SLC12A7: variants seen among roughly 807,000 people sequenced by gnomAD.
SLC12A7 encodes K-Cl cotransporter 4.
In SLC12A7, 100 loss-of-function variants were observed where a neutral mutation model predicts 120.6. The observed-to-expected ratio is 0.83, with a 90% CI of 0.71 to 0.98. SLC12A7 has a LOEUF of 0.98. SLC12A7 is among the 50% of genes least tolerant of loss of function. The probability of loss-of-function intolerance (pLI) is 0.00; values close to 1 mark genes in which losing one functional copy is unlikely to be tolerated. For missense variants in SLC12A7, 1,373 were observed against 1,548.1 expected, an observed-to-expected ratio of 0.89 and a Z score of 1.90; for synonymous variants, 760 against 678.0, an observed-to-expected ratio of 1.12 and a Z score of -1.88.
At chr5:1,089,376 C>T (rs1050158657) in intron 3 of SLC12A7, among the ~76,000 whole-genome samples, 1 of 152,086 alleles carries the variant, frequency 6.6e-6, no homozygotes, top group African/African-American at 2.4e-5. Flanking sequence ...GCAGCTGCTC[C>T]GCTGTGCCTC....
intron 1 of SLC12A7, among the ~76,000 whole-genome samples, chr5:1,094,532 G>A (rs1740888690): frequency 6.6e-6 from 1 of 152,144 alleles, no homozygotes; most frequent in Non-Finnish European, 1.5e-5. Flanking sequence ...GCTATCCCCA[G>A]AACACACGCT....
chr5:1,063,245 C>T (rs1360090730), intron 20 of SLC12A7, among the ~76,000 whole-genome samples: 2 of 152,248 alleles, frequency 1.3e-5, no homozygotes, highest in Admixed American at 1.3e-4. Flanking sequence ...GCAGCCTGGC[C>T]TCACTGACCA....
At chr5:1,127,940 C>G in the SLC12A7 span, among the ~76,000 whole-genome samples, 5 of 152,180 alleles carry the variant, frequency 3.3e-5, no homozygotes, top group Non-Finnish European at 7.3e-5. Context: ...ATGCCCACAC[C>G]CCAGGAAAGT....
At chr5:1,105,220 C>T (rs1165400901) in intron 1 of SLC12A7, among the ~76,000 whole-genome samples, 72 of 144,700 alleles carry the variant, frequency 5.0e-4, no homozygotes, top group South Asian at 2.8e-3. Context: ...GGACCCTCCC[C>T]GCAGGGATGA....
intron 6 of SLC12A7, 130 bp downstream of exon 6, chr5:1,086,772 CA>C (rs1389119964): frequency 2.3e-6 from 3 of 1,279,744 alleles, no homozygotes; most frequent in Non-Finnish European, 3.3e-6. Flanking sequence ...CAGGAGAGCC[CA>C]GGGGCAGCCA....
chr5:1,097,409 C>A (rs987540538), intron 1 of SLC12A7, among the ~76,000 whole-genome samples: 6 of 152,188 alleles, frequency 3.9e-5, no homozygotes, highest in Non-Finnish European at 8.8e-5. Flanking sequence ...AAAACACACA[C>A]ACAAGCTCCC....
At chr5:1,074,196 CCCGAGGCCCCCG>C (rs1738058073) in intron 16 of SLC12A7, among the ~76,000 whole-genome samples, 2 of 151,540 alleles carry the variant, frequency 1.3e-5, no homozygotes, top group South Asian at 2.1e-4. Context: ...CCGGGGCACA[CCCGAGGCCCCCG>C]CCGAGGCCCC....
intron 15 of SLC12A7, 136 bp from the exon 16 acceptor site, chr5:1,074,807 G>A (rs1203063542): frequency 1.5e-5 from 11 of 739,764 alleles, no homozygotes; most frequent in Non-Finnish European, 2.5e-5. Context: ...GAGGAGGGAG[G>A]CCTCCATGCC....
chr5:1,082,696 G>A (rs537988401), intron 8 of SLC12A7, among the ~76,000 whole-genome samples: 28 of 147,470 alleles, frequency 1.9e-4, no homozygotes, highest in African/African-American at 3.7e-4. Flanking sequence ...TGGAAAGTCC[G>A]GGCTTCCCAT....
In SLC12A7 at chr5:1,074,816, C is replaced by T. The variant is rs533361755; in HGVS notation, c.1968-145G>A. 849 of 703,848 alleles carry T rather than the reference C, an allele frequency of 1.2e-3. 18 individuals carry two copies. In the South Asian group the frequency reaches 0.015, roughly 12 times the overall value. 43.6% of individuals were successfully genotyped at this position (703,848 alleles called of 1,614,324 possible). A position where few individuals can be genotyped will look rare whatever the true frequency, so the allele number is the denominator to read the frequency against. The stretch of plus-strand genomic sequence containing the variant: ...CTGGATGAGGAGGGAGGCCTCCATG[C>T]CCACCCTTGCCCTGAAGGGAGCCCG... On this transcript the variant is annotated intron_variant, in intron 15 of 23. Coordinates refer to ENST00000264930, the MANE Select transcript of SLC12A7 (RefSeq NM_006598.3).
chr5:1,120,709 G>C, the SLC12A7 span, among the ~76,000 whole-genome samples: 1 of 152,198 alleles, frequency 6.6e-6, no homozygotes. Context: ...GCCACAGATG[G>C]CGTGTCCCTT....
intron 17 of SLC12A7, among the ~76,000 whole-genome samples, chr5:1,069,118 G>A (rs944513282): frequency 6.6e-6 from 1 of 152,258 alleles, no homozygotes; most frequent in African/African-American, 2.4e-5. Flanking sequence ...GAGCCATGAC[G>A]CCGCCGTCAG....
the SLC12A7 span, among the ~76,000 whole-genome samples, chr5:1,155,663 C>T: frequency 6.1e-3 from 919 of 151,306 alleles, 14 homozygotes; most frequent in South Asian, 0.03. Context: ...CCGGCACCTG[C>T]GCGCACCTAC....
rs546474020 is a variant in SLC12A7 at position 1,088,491 on chromosome 5, A to G, written c.490-131T>C. On this transcript the variant is annotated intron_variant, in intron 4 of 23. Coordinates refer to ENST00000264930, the MANE Select transcript of SLC12A7 (RefSeq NM_006598.3). ...CCCCAACTCCAGGGCTCTCCATCTC[A>G]ATGGAGTGGCTAGGAAACAGGACCT... is the stretch of plus-strand genomic sequence containing the variant. The G allele has an allele frequency of 1.5e-4, 139 of 956,144 alleles. No individual in the cohort carries two copies. In the African/African-American group the frequency reaches 2.2e-3, roughly 15 times the overall value. The allele number at this position is 956,144 out of a possible 1,614,324, so 59.2% of individuals were successfully genotyped here. A position where few individuals can be genotyped will look rare whatever the true frequency, so the allele number is the denominator to read the frequency against.
chr5:1,062,268 G>T (rs925550686), intron 20 of SLC12A7, among the ~76,000 whole-genome samples: 10 of 152,228 alleles, frequency 6.6e-5, no homozygotes, highest in African/African-American at 1.9e-4. Context: ...GTTCTCCCAG[G>T]CAGCATTTTG....
chr5:1,132,010 G>A, the SLC12A7 span, among the ~76,000 whole-genome samples: 1 of 152,212 alleles, frequency 6.6e-6, no homozygotes, highest in East Asian at 1.9e-4. Flanking sequence ...CAGGAGCTTA[G>A]GGATTCTCAG....
At chr5:1,139,324 C>G in the SLC12A7 span, among the ~76,000 whole-genome samples, 7 of 152,370 alleles carry the variant, frequency 4.6e-5, no homozygotes, top group South Asian at 1.4e-3. Context: ...AAGCCCAGCC[C>G]TGGTGGGGAG....
At chr5:1,114,671 T>G (rs1743245447), upstream of SLC12A7, among the ~76,000 whole-genome samples, 1 of 152,078 alleles carries the variant, frequency 6.6e-6, no homozygotes, top group Non-Finnish European at 1.5e-5. Context: ...TGGAGCTGCA[T>G]CTTTCGGTGC....
intron 22 of SLC12A7, among the ~76,000 whole-genome samples, chr5:1,054,640 C>T (rs527725916): frequency 9.1e-4 from 139 of 152,348 alleles, no homozygotes; most frequent in African/African-American, 3.2e-3. Flanking sequence ...AGGTCACCAG[C>T]GCCCTGGACG....
Sources: allele counts gnomAD v4.1 joint callset (sites outside exome capture counted in the v4.1 genomes callset), GRCh38; gene constraint gnomAD v4.1.1; transcripts MANE v1.5; gene names NCBI Gene and HGNC (gene_info 2026-07-23, HGNC 2026-07-21).